Variants in IL1RL1 observed in about 807,000 individuals in gnomAD.
The protein encoded by IL1RL1 is interleukin 1 receptor like 1.
Under a neutral mutation model 50.9 loss-of-function variants are expected in IL1RL1, and 32 were observed. That is an observed-to-expected ratio of 0.63 (90% CI 0.47 to 0.84). IL1RL1 has a LOEUF of 0.84. Ranked by LOEUF, IL1RL1 falls within the 40% of genes least tolerant of loss-of-function variation. The pLI, the probability that IL1RL1 is intolerant of heterozygous loss-of-function variation, is 0.00. For synonymous variants in IL1RL1, 275 were observed against 236.0 expected (o/e 1.17, Z -1.51); for missense variants, 773 against 662.9 (o/e 1.17, Z -1.82).
chr2:102,350,587 C>T (rs762513748), intron 10 of IL1RL1, among the ~76,000 whole-genome samples: 4 of 152,266 alleles, frequency 2.6e-5, no homozygotes, highest in Non-Finnish European at 5.9e-5. Context: ...TTGCATTTGC[C>T]CCATCAAAAT....
chr2:102,336,764 G>T (rs944079619), intron 1 of IL1RL1, among the ~76,000 whole-genome samples: 4 of 152,100 alleles, frequency 2.6e-5, no homozygotes, highest in Admixed American at 1.3e-4. Context: ...GTTTTGGGAT[G>T]GGGTGGAGTC....
intron 1 of IL1RL1, among the ~76,000 whole-genome samples, chr2:102,322,826 T>C (rs1676873188): frequency 6.6e-6 from 1 of 152,160 alleles, no homozygotes; most frequent in Admixed American, 6.5e-5. Context: ...TTCCACATAC[T>C]CTCTAGTTTC....
rs992627867 is a variant in IL1RL1 at position 102,338,383 on chromosome 2, C to T, written c.61+58C>T. 9 of 1,028,290 alleles carry T rather than the reference C, an allele frequency of 8.8e-6. No individual in the cohort carries two copies. In the Admixed American group the frequency reaches 1.3e-4, roughly 15 times the overall value. The allele number at this position is 1,028,290 out of a possible 1,614,324, so 63.7% of individuals were successfully genotyped here. ...TTTATAAATTAAATAATTTCAAGAA[C>T]ATTTACCTTGTTTTAAGCAGTTTGC... is the stretch of plus-strand genomic sequence containing the variant. On this transcript the variant is annotated intron_variant, in intron 2 of 10. Coordinates refer to ENST00000233954, the MANE Select transcript of IL1RL1 (RefSeq NM_016232.5).
At chr2:102,314,963 G>A (rs1676634202) in intron 1 of IL1RL1, among the ~76,000 whole-genome samples, 2 of 152,256 alleles carry the variant, frequency 1.3e-5, no homozygotes, top group African/African-American at 2.4e-5. Flanking sequence ...TTGCTCAGAA[G>A]AGCTGTGTGT....
chr2:102,325,323 A>G (rs1676964348), intron 1 of IL1RL1, among the ~76,000 whole-genome samples: 1 of 152,200 alleles, frequency 6.6e-6, no homozygotes, highest in African/African-American at 2.4e-5. Context: ...AACAAACAGA[A>G]ACGACATCCA....
intron 1 of IL1RL1, chr2:102,337,223 TC>T (rs1447044302): frequency 6.6e-6 from 1 of 152,272 alleles, no homozygotes; most frequent in African/African-American, 2.4e-5. Context: ...GAGGAGTGTC[TC>T]CCCTTTAAAA....
At chr2:102,318,354 G>A (rs1020578847) in intron 1 of IL1RL1, among the ~76,000 whole-genome samples, 4 of 148,596 alleles carry the variant, frequency 2.7e-5, no homozygotes, top group African/African-American at 1.1e-4. Flanking sequence ...GCTGGAGAAA[G>A]AGAGGTATAA....
At chr2:102,349,550 C>T (rs1677875973) in intron 10 of IL1RL1, among the ~76,000 whole-genome samples, 1 of 152,150 alleles carries the variant, frequency 6.6e-6, no homozygotes, top group African/African-American at 2.4e-5. Flanking sequence ...ACCAGGATAA[C>T]TCTGCCACTT....
Position 102,340,272 on chromosome 2 carries a change from G to A in IL1RL1, c.447G>A (p.Lys149=), listed in dbSNP as rs200484415. ...YNWTAPLEWF[K]NCQALQGSRY... Reference sequence around the variant, plus strand: ...GGACAGCACCTCTTGAGTGGTTTAAGGTAAGAAGAAATTTGGAAGGAAATA... The same window carrying A: ...GGACAGCACCTCTTGAGTGGTTTAAAGTAAGAAGAAATTTGGAAGGAAATA... Residue 149 remains lysine (K), a splice_region_variant and synonymous_variant, in exon 4 of 11, where the codon AAG becomes AAA. Transcript: ENST00000233954. 9 of 1,581,134 alleles carry A rather than the reference G, an allele frequency of 5.7e-6. No individual in the cohort carries two copies. Among genetic ancestry groups the A allele is most frequent in the East Asian group, 2.3e-5 (1 of 43,792 alleles).
intron 1 of IL1RL1, among the ~76,000 whole-genome samples, chr2:102,333,527 G>A (rs984396999): frequency 2.0e-5 from 3 of 152,190 alleles, no homozygotes; most frequent in African/African-American, 7.2e-5. Context: ...CAGAAGTTCT[G>A]TTCTGGAGAC....
In IL1RL1 at chr2:102,338,131, C is replaced by A; in HGVS notation, c.-134C>A. ...TATTTTTCAGTTGAGATATAGGCTACTCTTCCCAACTCAGTCTTGAAGAGT... is the reference window on the plus strand; with the variant it reads ...TATTTTTCAGTTGAGATATAGGCTAATCTTCCCAACTCAGTCTTGAAGAGT... On this transcript the variant is annotated 5_prime_UTR_variant, in exon 2 of 11. Transcript: ENST00000233954. 5.7e-6 allele frequency: 3 copies of A among 527,786 alleles called. No individual in the cohort carries two copies. The allele number at this position is 527,786 out of a possible 1,614,324, so 32.7% of individuals were successfully genotyped here. A position where few individuals can be genotyped will look rare whatever the true frequency, so the allele number is the denominator to read the frequency against.
chr2:102,318,359 G>A (rs552658594), intron 1 of IL1RL1, among the ~76,000 whole-genome samples: 15 of 148,624 alleles, frequency 1.0e-4, no homozygotes, highest in African/African-American at 3.7e-4. Context: ...AGAAAGAGAG[G>A]TATAAGGATA....
At chr2:102,350,449 T>A (rs1391097218) in intron 10 of IL1RL1, among the ~76,000 whole-genome samples, 1 of 152,254 alleles carries the variant, frequency 6.6e-6, no homozygotes, top group Non-Finnish European at 1.5e-5. Context: ...TACTTCCCTC[T>A]GTCAATGCAT....
chr2:102,341,487 G>T, intron 5 of IL1RL1: 1 of 306,440 alleles, frequency 3.3e-6, no homozygotes, highest in Non-Finnish European at 5.0e-6. Flanking sequence ...AGCACAAGTC[G>T]ATCTACAGAC....
chr2:102,323,273 AGTGT>A (rs55689851), intron 1 of IL1RL1, among the ~76,000 whole-genome samples: 6 of 48,498 alleles, frequency 1.2e-4, no homozygotes, highest in African/African-American at 2.1e-4. Context: ...ATATATATAT[AGTGT>A]GTGTGTGTGT....
chr2:102,328,151 T>C (rs1253124261), intron 1 of IL1RL1, among the ~76,000 whole-genome samples: 4 of 152,308 alleles, frequency 2.6e-5, no homozygotes, highest in East Asian at 3.9e-4. Flanking sequence ...AAAAAGCTTA[T>C]CCACCATGAT....
At chr2:102,312,204 A>C (rs1676537844) in intron 1 of IL1RL1, among the ~76,000 whole-genome samples, 1 of 142,412 alleles carries the variant, frequency 7.0e-6, no homozygotes, top group Non-Finnish European at 1.5e-5. Context: ...GAAAAACTTT[A>C]GCTGAATTAA....
chr2:102,345,923 G>A (rs754034416), intron 8 of IL1RL1: 11 of 985,352 alleles, frequency 1.1e-5, no homozygotes, highest in Admixed American at 6.1e-5. Context: ...GCTTTGCTAC[G>A]TTATCATTGA....
intron 1 of IL1RL1, among the ~76,000 whole-genome samples, chr2:102,326,561 T>A (rs190803641): frequency 6.6e-6 from 1 of 152,064 alleles, no homozygotes; most frequent in Non-Finnish European, 1.5e-5. Context: ...GACTGGCAAA[T>A]TGGATAAAGA....
Sources: allele counts gnomAD v4.1 joint callset (sites outside exome capture counted in the v4.1 genomes callset), GRCh38; gene constraint gnomAD v4.1.1; transcripts MANE v1.5; gene names NCBI Gene and HGNC (gene_info 2026-07-23, HGNC 2026-07-21).